STK36: variants seen among roughly 807,000 people sequenced by gnomAD.
STK36 encodes the protein serine/threonine kinase 36, also known as serine/threonine-protein kinase 36.
In STK36, 116 loss-of-function variants were observed where a neutral mutation model predicts 142.2. The observed-to-expected ratio is 0.82, with a 90% CI of 0.70 to 0.95. The LOEUF is 0.95. STK36 is among the 40% of genes least tolerant of loss of function. STK36 has a pLI of 0.00. For synonymous variants in STK36, 619 were observed against 641.7 expected (o/e 0.96, Z 0.53); for missense variants, 1,422 against 1,617.2 (o/e 0.88, Z 2.07).
Position 218,672,115 on chromosome 2 carries a change from G to T in STK36, c.-190G>T. ...GGGCCTGATGGCCCTGAGGCAGTTCGGATGTGTCCCAGGAAGTGCCCATGT... is the reference window on the plus strand; with the variant it reads ...GGGCCTGATGGCCCTGAGGCAGTTCTGATGTGTCCCAGGAAGTGCCCATGT... On this transcript the variant is annotated 5_prime_UTR_variant, in exon 1 of 27. The change creates a premature stop within an existing upstream ORF in the 5' untranslated region. Transcript: ENST00000295709. 1 of 956,706 alleles carries T rather than the reference G, an allele frequency of 1.0e-6. No individual in the cohort carries two copies. Among genetic ancestry groups the T allele is most frequent in the Admixed American group, 2.1e-5 (1 of 47,406 alleles). 59.3% of individuals were successfully genotyped at this position (956,706 alleles called of 1,614,324 possible). A position where few individuals can be genotyped will look rare whatever the true frequency, so the allele number is the denominator to read the frequency against.
At position 218,695,527 on chromosome 2, in the gene STK36, C is replaced by CTTTTTTT. The variant is rs964956273; in HGVS notation, c.2511+910_2511+916dup. 9.0e-4 allele frequency among the ~76,000 whole-genome samples: 66 copies of CTTTTTTT among 73,036 alleles called. 8 individuals carry two copies. The highest frequency in any genetic ancestry group is 4.0e-3 in the African/African-American group (56 of 13,948). The allele number at this position is 73,036 out of a possible 152,430, so 47.9% of individuals were successfully genotyped here. On this transcript the variant is annotated intron_variant, in intron 21 of 26. Coordinates refer to ENST00000295709, the MANE Select transcript of STK36 (RefSeq NM_015690.5). ...ATAGGTGTGAGCCACCATGTCCAGT[C>CTTTTTTT]TTTTTTTTTTTTTTTTTTTTTTTTG...
chr2:218,686,787 G>A (rs550260067), intron 11 of STK36, among the ~76,000 whole-genome samples: 1 of 152,332 alleles, frequency 6.6e-6, no homozygotes, highest in Admixed American at 6.5e-5. Context: ...CTACGTAGGA[G>A]TAGAATTGCT....
At position 218,687,753 on chromosome 2, in the gene STK36, C is replaced by T. The variant is rs146697274; in HGVS notation, c.1381-944C>T. On this transcript the variant is annotated intron_variant, in intron 11 of 26. Coordinates refer to ENST00000295709, the MANE Select transcript of STK36 (RefSeq NM_015690.5). Reference sequence around the variant, plus strand: ...ATAAAATGGCTAATTCTATTTATTTCACAGGGTTATTGTAAATATTAAATG... The same window carrying T: ...ATAAAATGGCTAATTCTATTTATTTTACAGGGTTATTGTAAATATTAAATG... 4.6e-5 allele frequency among the ~76,000 whole-genome samples: 7 copies of T among 152,334 alleles called. No individual in the cohort carries two copies. In the East Asian group the frequency reaches 1.3e-3, roughly 29 times the overall value.
chr2:218,688,212 A>T (rs55749320), intron 11 of STK36, among the ~76,000 whole-genome samples: 9,196 of 152,316 alleles, frequency 0.06, 928 homozygotes, highest in African/African-American at 0.21. Flanking sequence ...TATCCTTAGC[A>T]TGCAGGCTGT....
chr2:218,673,719 A>C lies in STK36; in HGVS notation c.179A>C (p.His60Pro). ...ATTGAAATAATGCGGGGTCTGCGGCATCCCAACATTGTGCATATGCTTGAC... is the reference window on the plus strand; with the variant it reads ...ATTGAAATAATGCGGGGTCTGCGGCCTCCCAACATTGTGCATATGCTTGAC... Reference protein sequence around the residue: ...REIEIMRGLRHPNIVHMLDSF... With the variant: ...REIEIMRGLRPPNIVHMLDSF... Residue 60 changes from histidine to proline, a missense_variant, in exon 3 of 27, where the codon CAT becomes CCT. Physicochemically the swap from His to Pro is moderately conservative, Grantham distance 77 (BLOSUM62 -2). Around this residue, in one of 2 missense-constraint regions of STK36, gnomAD observed 460 missense variants for 449.6 expected, o/e 1.02. Coordinates refer to ENST00000295709, the MANE Select transcript of STK36 (RefSeq NM_015690.5). 1 of 1,614,238 alleles carries C rather than the reference A, an allele frequency of 6.2e-7. No individual in the cohort carries two copies.
chr2:218,689,274 G>A (rs1940902524), intron 12 of STK36, among the ~76,000 whole-genome samples: 1 of 152,196 alleles, frequency 6.6e-6, no homozygotes. Flanking sequence ...TAAATATTTA[G>A]AGCGCTGTGC....
chr2:218,679,980 G>A lies in STK36; in HGVS notation c.1036G>A (p.Ala346Thr). ...PGTAPLPRLG[A>T]TPQESSLLAG... is the part of the protein sequence containing the mutation. Reference sequence around the variant, plus strand: ...CACAGCCCCTCTGCCCAGACTCGGGGCCACTCCTCAGGAATCAAGCCTCCT... The same window carrying A: ...CACAGCCCCTCTGCCCAGACTCGGGACCACTCCTCAGGAATCAAGCCTCCT... The change falls in exon 9 of 27, where the codon GCC becomes ACC. Residue 346 changes from alanine (A) to threonine (T), a missense_variant. Around this residue, in one of 2 missense-constraint regions of STK36, gnomAD observed 460 missense variants for 449.6 expected, o/e 1.02. Transcript: ENST00000295709. 1 of 1,614,184 alleles carries A rather than the reference G, an allele frequency of 6.2e-7. No individual in the cohort carries two copies. The highest frequency in any genetic ancestry group is 8.5e-7 in the Non-Finnish European group (1 of 1,180,038).
intron 26 of STK36, among the ~76,000 whole-genome samples, chr2:218,700,714 TA>T (rs1941410276): frequency 6.6e-6 from 1 of 151,090 alleles, no homozygotes; most frequent in Non-Finnish European, 1.5e-5. Flanking sequence ...ATTTTCAGTA[TA>T]TAAAGAGTCC....
At chr2:218,675,996 C>T (rs1416092539) in intron 5 of STK36, 33 bp from the exon 6 acceptor site, 2 of 1,610,400 alleles carry the variant, frequency 1.2e-6, no homozygotes, top group Non-Finnish European at 1.7e-6. Context: ...AATATCTTTT[C>T]CCTTTCCATT....
chr2:218,698,563 C>T, intron 25 of STK36, 39 bp from the exon 26 acceptor site: 1 of 1,593,158 alleles, frequency 6.3e-7, no homozygotes, highest in Non-Finnish European at 8.6e-7. Flanking sequence ...TGCATATACT[C>T]TCTCTCTCCC....
Position 218,692,739 on chromosome 2 carries a change from A to G in STK36, c.2043+29A>G, listed in dbSNP as rs570262433. On this transcript the variant is annotated intron_variant, in intron 16 of 26. Coordinates refer to ENST00000295709, the MANE Select transcript of STK36 (RefSeq NM_015690.5). ...CGAGCTACAATTGGTTGTTCCTCTC[A>G]TCCTACTGCCAGAGGAATTGAGGAG... 88 of 1,598,924 alleles carry G rather than the reference A, an allele frequency of 5.5e-5. 1 individual carries two copies. The South Asian group carries it at 9.7e-4, about 18-fold the overall frequency.
At chr2:218,675,263 A>G (rs1940180659) in intron 4 of STK36, 80 bp from the exon 5 acceptor site, 3 of 1,501,014 alleles carry the variant, frequency 2.0e-6, no homozygotes, top group African/African-American at 1.4e-5. Flanking sequence ...TAGCAGTAAT[A>G]TTAAGAGAAA....
Position 218,689,931 on chromosome 2 carries a change from C to G in STK36, c.1633C>G (p.Leu545Val). The G allele has an allele frequency of 6.3e-7, 1 of 1,598,942 alleles. No homozygotes were observed. Among genetic ancestry groups the G allele is most frequent in the South Asian group, 1.1e-5 (1 of 88,348 alleles). Residue 545 changes from leucine to valine, a missense_variant, in exon 13 of 27, where the codon CTG becomes GTG. Leu to Val is a conservative substitution (Grantham distance 32). Coordinates refer to ENST00000295709, the MANE Select transcript of STK36 (RefSeq NM_015690.5). The part of the protein sequence containing the change: ...IQAYFACTFN[L>V]ERSQTSDSLQ... Reference sequence around the variant, plus strand: ...GGCCTACTTTGCCTGTACCTTCAATCTGGAGAGGAGCCAGACAAGTGACAG... The same window carrying G: ...GGCCTACTTTGCCTGTACCTTCAATGTGGAGAGGAGCCAGACAAGTGACAG...
In STK36 at chr2:218,693,892, T is replaced by C. The variant is rs1941113616; in HGVS notation, c.2248-3T>C. ...GTTCTGATATCTTAGGTTTCCTTTG[T>C]AGGTAAAAGTAGTAGATTGGGAAGA... On this transcript the variant is annotated splice_polypyrimidine_tract_variant and splice_region_variant and intron_variant, in intron 18 of 26. Transcript: ENST00000295709. The C allele has an allele frequency of 1.9e-6, 3 of 1,614,146 alleles. No individual in the cohort carries two copies. The highest frequency in any genetic ancestry group is 2.5e-6 in the Non-Finnish European group (3 of 1,180,048).
chr2:218,701,362 G>A (rs1018068384), intron 26 of STK36, among the ~76,000 whole-genome samples: 1 of 151,332 alleles, frequency 6.6e-6, no homozygotes, highest in Admixed American at 6.6e-5. Flanking sequence ...GGATGGTCTC[G>A]ATGTCCTGAC....
chr2:218,677,874 T>C (rs982323811), intron 6 of STK36, among the ~76,000 whole-genome samples: 3 of 152,202 alleles, frequency 2.0e-5, no homozygotes, highest in African/African-American at 7.2e-5. Context: ...CACTGCAAGC[T>C]CCGCCCTCCA....
intron 26 of STK36, among the ~76,000 whole-genome samples, chr2:218,700,196 T>C (rs6706682): frequency 0.06 from 9,177 of 151,908 alleles, 923 homozygotes; most frequent in African/African-American, 0.21. Context: ...GCTGGGATTA[T>C]AGGCGTGAGC....
At chr2:218,686,489 G>T (rs769120826) in intron 11 of STK36, among the ~76,000 whole-genome samples, 1 of 151,968 alleles carries the variant, frequency 6.6e-6, no homozygotes, top group Non-Finnish European at 1.5e-5. Context: ...GAACTCCTGG[G>T]CTCAAGTGGG....
intron 6 of STK36, among the ~76,000 whole-genome samples, chr2:218,678,452 A>G (rs189020850): frequency 6.6e-6 from 1 of 152,326 alleles, no homozygotes; most frequent in Non-Finnish European, 1.5e-5. Flanking sequence ...AGCGGTGCAC[A>G]TAGGATATTC....
Sources: allele counts gnomAD v4.1 joint callset (sites outside exome capture counted in the v4.1 genomes callset), GRCh38; gene constraint gnomAD v4.1.1; regional missense constraint gnomAD v4.1.1; transcripts MANE v1.5; gene names NCBI Gene and HGNC (gene_info 2026-07-23, HGNC 2026-07-21).